Variants in PTP4A1 observed in about 807,000 individuals in gnomAD.
The protein encoded by PTP4A1 is protein tyrosine phosphatase 4A1, also known as protein tyrosine phosphatase type IVA 1.
In PTP4A1, 9 loss-of-function variants were observed where a neutral mutation model predicts 20.5. The ratio of observed to expected loss-of-function variants is 0.44; its 90% CI spans 0.26 to 0.77. The LOEUF (loss-of-function observed/expected upper bound fraction) is 0.77. Among genes scored for constraint, PTP4A1 ranks in the 30% least tolerant of loss-of-function variants. PTP4A1 has a pLI of 0.19. For missense variants in PTP4A1, 137 were observed against 218.8 expected (o/e 0.63, Z 2.36); for synonymous variants, 78 against 67.4 (o/e 1.16, Z -0.77).
chr6:63,549,467 C>G (rs868219456), intron 2 of PTP4A1: 2 of 795,078 alleles, frequency 2.5e-6, no homozygotes, highest in Non-Finnish European at 2.2e-6. Context: ...ACAGCAGGGC[C>G]GGAGCCACCT....
At chr6:63,570,023 G>A (rs1777351522), upstream of PTP4A1, among the ~76,000 whole-genome samples, 1 of 152,206 alleles carries the variant, frequency 6.6e-6, no homozygotes, top group African/African-American at 2.4e-5. Context: ...AATGGCAGCT[G>A]ACAAGCAGGA....
intron 3 of PTP4A1, among the ~76,000 whole-genome samples, chr6:63,557,159 A>T (rs1776724698): frequency 6.6e-6 from 1 of 152,240 alleles, no homozygotes; most frequent in South Asian, 2.1e-4. Context: ...ACATTTAAAA[A>T]ATGATTATCA....
At chr6:63,572,322 G>T, upstream of PTP4A1, 1 of 231,338 alleles carries the variant, frequency 4.3e-6, no homozygotes, top group Non-Finnish European at 8.3e-6. Context: ...TTCATCAACC[G>T]GTTCACACCG....
In PTP4A1 at chr6:63,540,794, C is replaced by G. The variant is rs186962669; in HGVS notation, c.-639-9506C>G. Among the ~76,000 whole-genome samples the G allele has an allele frequency of 7.4e-3, 1,122 of 151,142 alleles. 3 individuals carry two copies. Among genetic ancestry groups the G allele is most frequent in the Non-Finnish European group, 0.011 (762 of 67,850 alleles). On this transcript the variant is annotated intron_variant, in intron 2 of 3. Coordinates refer to the PTP4A1 transcript ENST00000639568. ...GACGTAGAAATAGCAAATAGGACCC[C>G]GTCTCTACTAGGACCAAAATGGTGA...
intron 3 of PTP4A1, among the ~76,000 whole-genome samples, chr6:63,555,417 C>G (rs76986317): frequency 6.6e-6 from 1 of 152,146 alleles, no homozygotes; most frequent in Non-Finnish European, 1.5e-5. Flanking sequence ...TTGCTGATGG[C>G]CAAAAAGTAT....
upstream of PTP4A1, among the ~76,000 whole-genome samples, chr6:63,519,074 A>G (rs914519969): frequency 2.0e-5 from 3 of 152,150 alleles, no homozygotes; most frequent in Admixed American, 6.5e-5. Context: ...CAACACTTTG[A>G]GAGGCCAAGG....
chr6:63,582,409 ATTTAC>A lies in PTP4A1; in HGVS notation c.*2240_*2244del, dbSNP rs970394220. The A allele has an allele frequency of 6.6e-6, 1 of 152,518 alleles. No individual in the cohort carries two copies. Among genetic ancestry groups the A allele is most frequent in the African/African-American group, 2.4e-5 (1 of 41,384 alleles). The allele number at this position is 152,518 out of a possible 1,614,324, so 9.4% of individuals were successfully genotyped here. ...TATATATGGTGCTAAAAATAAATTA[ATTTAC>A]TTTATAAACCTTATCTGTACATTAT... On this transcript the variant is annotated 3_prime_UTR_variant, in exon 6 of 6. Coordinates refer to ENST00000626021, the MANE Select transcript of PTP4A1 (RefSeq NM_003463.5).
Position 63,528,427 on chromosome 6 carries a change from C to CTT in PTP4A1, c.-640+355_-640+356dup, listed in dbSNP as rs1298558548. ...CCTGGGAGACACAGTGAATCTCTGT[C>CTT]TTTTTTTTTTTTTAAGGCCGGGTAC... On this transcript the variant is annotated intron_variant, in intron 2 of 3. Coordinates refer to the PTP4A1 transcript ENST00000639568. 4.1e-5 allele frequency among the ~76,000 whole-genome samples: 6 copies of CTT among 144,776 alleles called. No individual in the cohort carries two copies. In the South Asian group the frequency reaches 1.1e-3, roughly 27 times the overall value. 95.0% of individuals were successfully genotyped at this position (144,776 alleles called of 152,430 possible). A position where few individuals can be genotyped will look rare whatever the true frequency, so the allele number is the denominator to read the frequency against.
upstream of PTP4A1, chr6:63,572,389 G>A: frequency 3.0e-6 from 1 of 328,588 alleles, no homozygotes; most frequent in Non-Finnish European, 5.5e-6. Flanking sequence ...CCCGCCTGTC[G>A]GCTCCTGGCC....
intron 2 of PTP4A1, among the ~76,000 whole-genome samples, chr6:63,536,848 A>C (rs1159226682): frequency 1.3e-5 from 2 of 152,110 alleles, no homozygotes; most frequent in Admixed American, 1.3e-4. Flanking sequence ...TCTTAGCAGC[A>C]TAGTCTTTTT....
chr6:63,572,839 G>C (rs372982814), intron 1 of PTP4A1, 120 bp downstream of exon 1: 81 of 394,888 alleles, frequency 2.1e-4, no homozygotes, highest in East Asian at 6.1e-4. Context: ...TTGCGGTTCC[G>C]GTGGGTCCCG....
At chr6:63,553,552 G>T (rs1011646467) in intron 3 of PTP4A1, among the ~76,000 whole-genome samples, 1 of 152,216 alleles carries the variant, frequency 6.6e-6, no homozygotes, top group African/African-American at 2.4e-5. Flanking sequence ...GTGTCTCAGT[G>T]TAGCTAATTT....
chr6:63,534,914 G>C (rs1395895285), intron 2 of PTP4A1, among the ~76,000 whole-genome samples: 1 of 150,698 alleles, frequency 6.6e-6, no homozygotes, highest in East Asian at 1.9e-4. Flanking sequence ...ACAAAAACTA[G>C]CTGGGTGTGG....
upstream of PTP4A1, among the ~76,000 whole-genome samples, chr6:63,520,105 A>C (rs1774867553): frequency 6.6e-6 from 1 of 152,118 alleles, no homozygotes; most frequent in Non-Finnish European, 1.5e-5. Flanking sequence ...ACAAAAACTA[A>C]CCACTGGATC....
chr6:63,580,497 C>T lies in PTP4A1; in HGVS notation c.*323C>T, dbSNP rs1439330841. On this transcript the variant is annotated 3_prime_UTR_variant, in exon 6 of 6. Transcript: ENST00000626021. ...TTCCCATGCCAGAATCTTATCAATA[C>T]ATAAGAAATTTAGGAAGATTAGGTG... is the stretch of plus-strand genomic sequence containing the variant. 1.0e-5 allele frequency: 2 copies of T among 200,728 alleles called. No individual in the cohort carries two copies. The highest frequency in any genetic ancestry group is 5.3e-5 in the Admixed American group (1 of 18,720). 12.4% of individuals were successfully genotyped at this position (200,728 alleles called of 1,614,324 possible).
chr6:63,549,029 G>T (rs761729375), intron 2 of PTP4A1: 52 of 727,488 alleles, frequency 7.1e-5, no homozygotes, highest in Non-Finnish European at 1.2e-4. Flanking sequence ...TGGGATCCAC[G>T]TCGTGTGCAA....
At chr6:63,551,645 T>C (rs189434566) in intron 3 of PTP4A1, among the ~76,000 whole-genome samples, 1 of 152,248 alleles carries the variant, frequency 6.6e-6, no homozygotes, top group Non-Finnish European at 1.5e-5. Context: ...CATTAACTTG[T>C]CGTTTACATT....
intron 3 of PTP4A1, among the ~76,000 whole-genome samples, chr6:63,566,265 T>C (rs1364371019): frequency 6.6e-6 from 1 of 152,214 alleles, no homozygotes; most frequent in Admixed American, 6.5e-5. Flanking sequence ...TTAAAGGAAC[T>C]TGCAGGGTGT....
chr6:63,565,960 T>C (rs1328846541), intron 3 of PTP4A1, among the ~76,000 whole-genome samples: 1 of 152,198 alleles, frequency 6.6e-6, no homozygotes, highest in Non-Finnish European at 1.5e-5. Flanking sequence ...CTTGGAGATA[T>C]TGCAAGTTCA....
Sources: allele counts gnomAD v4.1 joint callset (sites outside exome capture counted in the v4.1 genomes callset), GRCh38; gene constraint gnomAD v4.1.1; transcripts MANE v1.5; gene names NCBI Gene and HGNC (gene_info 2026-07-23, HGNC 2026-07-21).